The following CACNA1C variants were observed in gnomAD, a reference collection of about 807,000 sequenced individuals.
The protein encoded by CACNA1C is voltage-dependent L-type calcium channel subunit alpha-1C.
A neutral mutation model predicts 229.0 loss-of-function variants in CACNA1C; 30 were observed. The ratio of observed to expected loss-of-function variants is 0.13; its 90% CI spans 0.10 to 0.18. The LOEUF (loss-of-function observed/expected upper bound fraction) is 0.18. Ranked by LOEUF, CACNA1C falls within the 10% of genes least tolerant of loss-of-function variation. The pLI, the probability that CACNA1C is intolerant of heterozygous loss-of-function variation, is 1.00. For missense variants in CACNA1C, 1,658 were observed against 2,845.0 expected, an observed-to-expected ratio of 0.58 and a Z score of 9.49; for synonymous variants, 1,114 against 1,132.5, an observed-to-expected ratio of 0.98 and a Z score of 0.33.
chr12:2,046,754 G>T (rs987150010), intron 1 of CACNA1C, among the ~76,000 whole-genome samples: 2 of 152,100 alleles, frequency 1.3e-5, no homozygotes, highest in Non-Finnish European at 2.9e-5. Context: ...TGGGACGGAC[G>T]CTGGGGCTGA....
In CACNA1C at chr12:2,565,291, A is replaced by AC. The variant is rs369870104; in HGVS notation, c.1509-1128dup. On this transcript the variant is annotated intron_variant, in intron 11 of 46. Transcript: ENST00000399655. ...AGACCATCCTGGCTAACAAGGTGAA[A>AC]CCCGTCTCTACTAAAAATACAAAAA... Among the ~76,000 whole-genome samples, 380 of 150,632 alleles carry AC rather than the reference A, an allele frequency of 2.5e-3. 2 individuals are homozygous for AC. The highest frequency in any genetic ancestry group is 6.8e-3 in the Middle Eastern group (2 of 294).
In CACNA1C at chr12:2,115,391, A is replaced by G. The variant is rs752877107; in HGVS notation, c.217A>G (p.Ile73Val). The G allele has an allele frequency of 1.2e-6, 2 of 1,610,978 alleles. No individual in the cohort carries two copies. Among genetic ancestry groups the G allele is most frequent in the Non-Finnish European group, 1.7e-6 (2 of 1,179,454 alleles). Residue 73 changes from isoleucine to valine, a missense_variant, in exon 2 of 47, where the codon ATC becomes GTC. Ile to Val is a conservative substitution (Grantham distance 29, BLOSUM62 3). Transcript: ENST00000399655. ...KLMGSAGNAT[I>V]STVSSTQRKR... ...GATGGGCAGCGCTGGCAATGCGACC[A>G]TCTCCACAGTCAGCTCCACGCAGCG... is the stretch of plus-strand genomic sequence containing the variant.
At chr12:2,610,785 C>T in intron 28 of CACNA1C, 86 bp downstream of exon 28, 1 of 1,340,184 alleles carries the variant, frequency 7.5e-7, no homozygotes, top group South Asian at 1.2e-5. Context: ...GCAGGCAGCT[C>T]AGTGCATCGC....
At chr12:2,614,513 A>G (rs2079457673) in intron 29 of CACNA1C, 1 of 152,198 alleles carries the variant, frequency 6.6e-6, no homozygotes, top group South Asian at 2.1e-4. Context: ...CAGGCAGAAA[A>G]CCAAACTGGA....
At chr12:2,188,907 A>C (rs1351859031) in intron 3 of CACNA1C, among the ~76,000 whole-genome samples, 1 of 151,922 alleles carries the variant, frequency 6.6e-6, no homozygotes, top group Admixed American at 6.5e-5. Context: ...CCTGGCTAAT[A>C]TGGTGAAACC....
intron 1 of CACNA1C, among the ~76,000 whole-genome samples, chr12:2,066,757 G>A (rs976509443): frequency 2.0e-5 from 3 of 152,078 alleles, no homozygotes; most frequent in Non-Finnish European, 2.9e-5. Context: ...GGATGGGAGT[G>A]GAAGGCTCAA....
chr12:2,111,467 A>C, intron 1 of CACNA1C, among the ~76,000 whole-genome samples: 1 of 144,380 alleles, frequency 6.9e-6, no homozygotes, highest in South Asian at 2.2e-4. Flanking sequence ...AACTCCTGGG[A>C]CTCTTGGTTT....
chr12:2,527,269 G>A (rs1037237556), intron 9 of CACNA1C, among the ~76,000 whole-genome samples: 1 of 152,186 alleles, frequency 6.6e-6, no homozygotes, highest in Non-Finnish European at 1.5e-5. Context: ...GTCAAGCGAA[G>A]ACAAACCGCA....
rs1420393994 is a variant in CACNA1C at position 2,108,362 on chromosome 12, G to T, written c.50-6862G>T. Reference sequence around the variant, plus strand: ...GTACAATTATGAGGCTGGGGGACCTGGAAGCCACTGTGCCAAGGGCTGGCT... The same window carrying T: ...GTACAATTATGAGGCTGGGGGACCTTGAAGCCACTGTGCCAAGGGCTGGCT... On this transcript the variant is annotated intron_variant, in intron 1 of 46. Coordinates refer to ENST00000399655, the MANE Select transcript of CACNA1C (RefSeq NM_000719.7). This position sits in a 1 kb window ranked among gnomAD's most constrained non-coding sequence, Gnocchi z 5.3. Among the ~76,000 whole-genome samples the T allele has an allele frequency of 6.6e-6, 1 of 152,200 alleles. No homozygotes were observed. The highest frequency in any genetic ancestry group is 1.9e-4 in the East Asian group (1 of 5,198).
rs369933548 is a variant in CACNA1C at position 2,249,716 on chromosome 12, T to C, written c.477+129286T>C. Among the ~76,000 whole-genome samples, 62 of 151,930 alleles carry C rather than the reference T, an allele frequency of 4.1e-4. No individual in the cohort carries two copies. The South Asian group carries it at 0.012, about 30-fold the overall frequency. The stretch of plus-strand genomic sequence containing the variant: ...AGGTGAGGCCAGGCCTAAAATCTAG[T>C]CTAGGGCTCACTCGGCCGGTGGCTC... On this transcript the variant is annotated intron_variant, in intron 3 of 46. Transcript: ENST00000399655.
At chr12:2,030,326 A>C (rs79314698) in intron 1 of CACNA1C, among the ~76,000 whole-genome samples, 2,683 of 152,220 alleles carry the variant, frequency 0.018, 43 homozygotes, top group Admixed American at 0.03. Flanking sequence ...AATTACAGTC[A>C]ATTTCTTCAC....
rs192139199 is a variant in CACNA1C at position 2,072,809 on chromosome 12, A to G, written c.49+19198A>G. On this transcript the variant is annotated intron_variant, in intron 1 of 46. Coordinates refer to ENST00000399655, the MANE Select transcript of CACNA1C (RefSeq NM_000719.7). The stretch of plus-strand genomic sequence containing the variant: ...TACCTTCATTTAGGGAACCGAAGAC[A>G]GGGCAGACTGTCAGTCAACAATCAA... Among the ~76,000 whole-genome samples, 14 of 152,330 alleles carry G rather than the reference A, an allele frequency of 9.2e-5. No individual in the cohort carries two copies. In the East Asian group the frequency reaches 2.5e-3, roughly 27 times the overall value.
At chr12:2,085,555 A>C (rs1180103410) in intron 1 of CACNA1C, among the ~76,000 whole-genome samples, 1 of 152,184 alleles carries the variant, frequency 6.6e-6, no homozygotes, top group East Asian at 1.9e-4. Flanking sequence ...CAGCTAATTC[A>C]ATTGAGTGGG....
intron 3 of CACNA1C, among the ~76,000 whole-genome samples, chr12:2,415,740 C>T (rs1263248144): frequency 1.3e-5 from 2 of 152,122 alleles, no homozygotes; most frequent in African/African-American, 4.8e-5. Flanking sequence ...TGGCGGCTCT[C>T]ATTGAGCAGC....
rs769567997 is a variant in CACNA1C, at chr12:2,148,283, T to C, written c.477+27853T>C. 9.9e-5 allele frequency among the ~76,000 whole-genome samples: 15 copies of C among 151,320 alleles called. 1 individual carries two copies. The highest frequency in any genetic ancestry group is 1.9e-4 in the Non-Finnish European group (13 of 67,640). On this transcript the variant is annotated intron_variant, in intron 3 of 46. Transcript: ENST00000399655. ...TGTCTCTGTCTTTCGTATTGAAATA[T>C]CGCACTGAAAAGACCTGCCATGGAG...
intron 6 of CACNA1C, among the ~76,000 whole-genome samples, chr12:2,491,140 GTGTGTGATTCCATT>G (rs1260017989): frequency 6.6e-6 from 1 of 152,140 alleles, no homozygotes; most frequent in Non-Finnish European, 1.5e-5. Context: ...AAGCCTCATA[GTGTGTGATTCCATT>G]TATATGAAAT....
chr12:2,084,155 G>T (rs1457406852), intron 1 of CACNA1C, among the ~76,000 whole-genome samples: 3 of 152,122 alleles, frequency 2.0e-5, no homozygotes, highest in African/African-American at 7.2e-5. Flanking sequence ...GTTGTTAGTT[G>T]TCCTTGAAAT....
intron 1 of CACNA1C, among the ~76,000 whole-genome samples, chr12:2,017,418 G>A (rs958586005): frequency 6.6e-6 from 1 of 152,126 alleles, no homozygotes; most frequent in Non-Finnish European, 1.5e-5. Context: ...AAGCATTTAT[G>A]GGTTTCAGAA....
intron 3 of CACNA1C, among the ~76,000 whole-genome samples, chr12:2,245,872 A>C (rs2072963313): frequency 6.6e-6 from 1 of 152,216 alleles, no homozygotes; most frequent in African/African-American, 2.4e-5. Context: ...GTAGATATGC[A>C]AATGACTTTA....
Sources: allele counts gnomAD v4.1 joint callset (sites outside exome capture counted in the v4.1 genomes callset), GRCh38; gene constraint gnomAD v4.1.1; non-coding constraint Gnocchi (gnomAD v3.1); transcripts MANE v1.5; gene names NCBI Gene and HGNC (gene_info 2026-07-23, HGNC 2026-07-21).